SCD: variants seen among roughly 807,000 people sequenced by gnomAD.
SCD encodes stearoyl-CoA desaturase.
In SCD, 4 loss-of-function variants were observed where a neutral mutation model predicts 35.7. The observed-to-expected ratio is 0.11, with a 90% CI of 0.06 to 0.26. The LOEUF (loss-of-function observed/expected upper bound fraction) is 0.26. SCD is among the 10% of genes least tolerant of loss of function. The pLI, the probability that SCD is intolerant of heterozygous loss-of-function variation, is 1.00. For synonymous variants in SCD, 150 were observed against 170.2 expected (o/e 0.88, Z 0.92); for missense variants, 282 against 460.7 (o/e 0.61, Z 3.55).
At chr10:100,348,477 T>G in intron 2 of SCD, 131 bp downstream of exon 2, 1 of 920,274 alleles carries the variant, frequency 1.1e-6, no homozygotes, top group Non-Finnish European at 1.6e-6. Flanking sequence ...CATTTCTCTT[T>G]GGTTGCTTCA....
chr10:100,354,657 G>A, intron 4 of SCD, 25 bp downstream of exon 4: 1 of 1,585,384 alleles, frequency 6.3e-7, no homozygotes, highest in Non-Finnish European at 8.7e-7. Flanking sequence ...GATGGAGGTG[G>A]GGATATGGCC....
intron 3 of SCD, among the ~76,000 whole-genome samples, chr10:100,354,223 C>T (rs1242808941): frequency 6.6e-6 from 1 of 152,226 alleles, no homozygotes; most frequent in African/African-American, 2.4e-5. Flanking sequence ...GGTCCTGGGA[C>T]TTTAAGTTGC....
chr10:100,362,703 A>C lies in SCD; in HGVS notation c.*1770A>C, dbSNP rs1850001623. 6.6e-6 allele frequency: 1 copy of C among 152,232 alleles called. No homozygotes were observed. The highest frequency in any genetic ancestry group is 1.5e-5 in the Non-Finnish European group (1 of 68,094). The allele number at this position is 152,232 out of a possible 1,614,324, so 9.4% of individuals were successfully genotyped here. A position where few individuals can be genotyped will look rare whatever the true frequency, so the allele number is the denominator to read the frequency against. On this transcript the variant is annotated 3_prime_UTR_variant, in exon 6 of 6. Transcript: ENST00000370355. ...GCTGCCACTTTCACGTGGCCTCCGC[A>C]GTGTCTCCACCTACACCCCTGTGCT...
At chr10:100,348,610 T>G (rs1346414564) in intron 2 of SCD, among the ~76,000 whole-genome samples, 2 of 152,030 alleles carry the variant, frequency 1.3e-5, no homozygotes, top group Non-Finnish European at 2.9e-5. Context: ...GAGTCAGCTT[T>G]CCCTGAAAGA....
rs1304900142 is a variant in SCD, at chr10:100,363,941, C to T, written c.*3008C>T. On this transcript the variant is annotated 3_prime_UTR_variant, in exon 6 of 6. Coordinates refer to ENST00000370355, the MANE Select transcript of SCD (RefSeq NM_005063.5). ...CTCCCTCTGCAGAATCCCTTTGCAC[C>T]TGAGACCCTACTGAAGTGGCTGGTA... 1.3e-5 allele frequency: 2 copies of T among 152,516 alleles called. No individual in the cohort carries two copies. Among genetic ancestry groups the T allele is most frequent in the East Asian group, 3.9e-4 (2 of 5,194 alleles). 9.4% of individuals were successfully genotyped at this position (152,516 alleles called of 1,614,324 possible).
In SCD at chr10:100,356,686, G is replaced by A. The variant is rs1408838261; in HGVS notation, c.802G>A (p.Ala268Thr). ...LNATWLVNSA[A>T]HLFGYRPYDK... ...TGCCACCTGGCTGGTGAACAGTGCTGCCCACCTCTTCGGATATCGTCCTTA... is the reference window on the plus strand; with the variant it reads ...TGCCACCTGGCTGGTGAACAGTGCTACCCACCTCTTCGGATATCGTCCTTA... The change falls in exon 5 of 6, where the codon GCC becomes ACC. Residue 268 changes from alanine to threonine, a missense_variant. Physicochemically the swap from Ala to Thr is moderately conservative, Grantham distance 58 (BLOSUM62 0). This residue lies in a region of SCD where 205 missense variants were observed against 372.3 expected (regional missense o/e 0.55). Coordinates refer to ENST00000370355, the MANE Select transcript of SCD (RefSeq NM_005063.5). This position sits in a 1 kb window ranked among gnomAD's most constrained non-coding sequence, Gnocchi z 4.1. 1 of 1,614,206 alleles carries A rather than the reference G, an allele frequency of 6.2e-7. No individual in the cohort carries two copies. Among genetic ancestry groups the A allele is most frequent in the Admixed American group, 1.7e-5 (1 of 60,026 alleles).
rs1453817151 is a variant in SCD at position 100,354,650 on chromosome 10, G to A, written c.647+18G>A. ...CAGAGGAGGTGAGTGAAGCCCTGAT[G>A]GAGGTGGGGATATGGCCCTGGCACC... On this transcript the variant is annotated intron_variant, in intron 4 of 5. Transcript: ENST00000370355. 1.1e-5 allele frequency: 17 copies of A among 1,603,306 alleles called. No individual in the cohort carries two copies. Among genetic ancestry groups the A allele is most frequent in the Non-Finnish European group, 1.4e-5 (16 of 1,170,114 alleles).
At position 100,347,652 on chromosome 10, in the gene SCD, G is replaced by T. The variant is rs886242740; in HGVS notation, c.27+121G>T. On this transcript the variant is annotated intron_variant, in intron 1 of 5. Coordinates refer to ENST00000370355, the MANE Select transcript of SCD (RefSeq NM_005063.5). ...CGGAGGACTTGGTCATCTTTTTCGA[G>T]TTGTGCTGCCTTCCGTGAGTTGGGA... 4.2e-5 allele frequency: 46 copies of T among 1,096,536 alleles called. No homozygotes were observed. In the Middle Eastern group the frequency reaches 1.6e-3, roughly 39 times the overall value. 67.9% of individuals were successfully genotyped at this position (1,096,536 alleles called of 1,614,324 possible).
At position 100,351,630 on chromosome 10, in the gene SCD, A is replaced by C. The variant is rs182716733; in HGVS notation, c.311-736A>C. ...GGGCTTCTCAAATTGGTCAGTGCCC[A>C]GATTGTACTGGCTGTTATTTTATTT... is the stretch of plus-strand genomic sequence containing the variant. On this transcript the variant is annotated intron_variant, in intron 2 of 5. Transcript: ENST00000370355. 5.2e-3 allele frequency among the ~76,000 whole-genome samples: 793 copies of C among 152,224 alleles called. 15 individuals carry two copies. Among genetic ancestry groups the C allele is most frequent in the African/African-American group, 0.018 (749 of 41,538 alleles).
intron 2 of SCD, among the ~76,000 whole-genome samples, chr10:100,348,819 T>C (rs890400626): frequency 6.6e-6 from 1 of 152,102 alleles, no homozygotes; most frequent in African/African-American, 2.4e-5. Context: ...AGAGAGCTCA[T>C]TGGAAAGAGA....
chr10:100,348,972 G>C (rs189213729), intron 2 of SCD, among the ~76,000 whole-genome samples: 1 of 152,170 alleles, frequency 6.6e-6, no homozygotes, highest in East Asian at 1.9e-4. Context: ...ACATTCCAGG[G>C]TGCTGCACAT....
intron 2 of SCD, among the ~76,000 whole-genome samples, chr10:100,348,673 C>G (rs573844148): frequency 6.6e-6 from 1 of 152,220 alleles, no homozygotes; most frequent in South Asian, 2.1e-4. Flanking sequence ...CTGCCAGCCA[C>G]AAAAGAATCA....
chr10:100,348,159 C>T lies in SCD; in HGVS notation c.123C>T (p.Tyr41=). 2 of 1,613,936 alleles carry T rather than the reference C, an allele frequency of 1.2e-6. No homozygotes were observed. Among genetic ancestry groups the T allele is most frequent in the African/African-American group, 1.3e-5 (1 of 74,996 alleles). ...GGDKLETMPL[Y]LEDDIRPDIK... ...ATAAGTTGGAGACGATGCCCCTCTACTTGGAAGACGACATTCGCCCTGATA... is the reference window on the plus strand; with the variant it reads ...ATAAGTTGGAGACGATGCCCCTCTATTTGGAAGACGACATTCGCCCTGATA... The change falls in exon 2 of 6, where the codon TAC becomes TAT. Residue 41 remains tyrosine (Y), a synonymous_variant. Transcript: ENST00000370355.
chr10:100,354,444 G>T lies in SCD; in HGVS notation c.459G>T (p.Trp153Cys). The stretch of plus-strand genomic sequence containing the variant: ...CTCCCCAGAATGATGTCTATGAATG[G>T]GCTCGTGACCACCGTGCCCACCACA... ...TMAFQNDVYE[W>C]ARDHRAHHKF... The change falls in exon 4 of 6, where the codon TGG (tryptophan) becomes TGT (cysteine). Residue 153 changes from tryptophan to cysteine, a missense_variant. Trp to Cys is a radical substitution (Grantham distance 215). Transcript: ENST00000370355. 2 of 1,613,674 alleles carry T rather than the reference G, an allele frequency of 1.2e-6. No individual in the cohort carries two copies. The highest frequency in any genetic ancestry group is 1.7e-6 in the Non-Finnish European group (2 of 1,179,754).
chr10:100,352,409 A>G lies in SCD; in HGVS notation c.354A>G (p.Gly118=). ...YFVSALGITA[G]AHRLWSHRSY... Reference sequence around the variant, plus strand: ...TCAGTGCCCTGGGCATAACAGCAGGAGCTCATCGTCTGTGGAGCCACCGCT... The same window carrying G: ...TCAGTGCCCTGGGCATAACAGCAGGGGCTCATCGTCTGTGGAGCCACCGCT... The change falls in exon 3 of 6, where the codon GGA becomes GGG. Residue 118 remains glycine, a synonymous_variant. Transcript: ENST00000370355. This position sits in a 1 kb window ranked among gnomAD's most constrained non-coding sequence, Gnocchi z 4.2. 5.0e-6 allele frequency: 8 copies of G among 1,613,972 alleles called. No homozygotes were observed. Among genetic ancestry groups the G allele is most frequent in the Non-Finnish European group, 6.8e-6 (8 of 1,179,998 alleles).
At chr10:100,354,357 C>T (rs1334277971) in intron 3 of SCD, 70 bp from the exon 4 acceptor site, 13 of 1,376,474 alleles carry the variant, frequency 9.4e-6, no homozygotes, top group African/African-American at 2.8e-5. Context: ...CTCTTGATAC[C>T]TGTCCATTGG....
chr10:100,349,995 C>T (rs1016488054), intron 2 of SCD, among the ~76,000 whole-genome samples: 1 of 152,004 alleles, frequency 6.6e-6, no homozygotes, highest in African/African-American at 2.4e-5. Flanking sequence ...GAGTTTGACC[C>T]GATTGCCTCT....
chr10:100,349,314 T>TC (rs1421564835), intron 2 of SCD, among the ~76,000 whole-genome samples: 1 of 152,240 alleles, frequency 6.6e-6, no homozygotes, highest in Non-Finnish European at 1.5e-5. Context: ...GCAGGCTTTT[T>TC]CACCTCTGTC....
chr10:100,361,571 A>G lies in SCD; in HGVS notation c.*638A>G, dbSNP rs117048523. ...CAGACATACAGCTGCCTACCTAATG[A>G]GGACTTCAAGCCCCACCACATAGCA... is the stretch of plus-strand genomic sequence containing the variant. On this transcript the variant is annotated 3_prime_UTR_variant, in exon 6 of 6. Coordinates refer to ENST00000370355, the MANE Select transcript of SCD (RefSeq NM_005063.5). The G allele has an allele frequency of 6.5e-6, 1 of 152,788 alleles. No individual in the cohort carries two copies. Among genetic ancestry groups the G allele is most frequent in the East Asian group, 1.9e-4 (1 of 5,202 alleles). The allele number at this position is 152,788 out of a possible 1,614,324, so 9.5% of individuals were successfully genotyped here. A position where few individuals can be genotyped will look rare whatever the true frequency, so the allele number is the denominator to read the frequency against.
Sources: gnomAD v4.1 joint callset for allele counts (sites outside exome capture counted in the v4.1 genomes callset) on GRCh38, gnomAD v4.1.1 for gene constraint, gnomAD v4.1.1 regional missense constraint, Gnocchi (gnomAD v3.1) non-coding constraint, MANE v1.5 for transcripts, NCBI Gene and HGNC (gene_info 2026-07-23, HGNC 2026-07-21) for gene names.